The following PPP1R8 variants were observed in gnomAD, a reference collection of about 807,000 sequenced individuals.
PPP1R8 encodes protein phosphatase 1 regulatory subunit 8, also known as nuclear inhibitor of protein phosphatase 1.
Under a neutral mutation model 31.3 loss-of-function variants are expected in PPP1R8, and 4 were observed. The ratio of observed to expected loss-of-function variants is 0.13; its 90% CI spans 0.06 to 0.29. The LOEUF (loss-of-function observed/expected upper bound fraction) is 0.29. Ranked by LOEUF, PPP1R8 falls within the 10% of genes least tolerant of loss-of-function variation. The pLI, the probability that PPP1R8 is intolerant of heterozygous loss-of-function variation, is 1.00. For missense variants in PPP1R8, 254 were observed against 440.1 expected, an observed-to-expected ratio of 0.58 and a Z score of 3.78; for synonymous variants, 170 against 169.7, an observed-to-expected ratio of 1.00 and a Z score of -0.01.
intron 2 of PPP1R8, among the ~76,000 whole-genome samples, chr1:27,833,397 C>A (rs990272760): frequency 1.3e-5 from 2 of 152,126 alleles, no homozygotes; most frequent in East Asian, 1.9e-4. Flanking sequence ...CTCAAGTCAT[C>A]CAGTGGGAGA....
chr1:27,849,261 C>T (rs1256807405), intron 6 of PPP1R8, among the ~76,000 whole-genome samples: 1 of 151,572 alleles, frequency 6.6e-6, no homozygotes, highest in Non-Finnish European at 1.5e-5. Context: ...ATCCCAGCTA[C>T]TCCGGAGGCT....
At chr1:27,848,303 G>T (rs747844148) in intron 6 of PPP1R8, among the ~76,000 whole-genome samples, 2 of 152,148 alleles carry the variant, frequency 1.3e-5, no homozygotes, top group Non-Finnish European at 2.9e-5. Flanking sequence ...TACTCAGGAG[G>T]CTGAGGCAGG....
rs1255407079 is a variant in PPP1R8, at chr1:27,838,859, A to G, written c.271+7A>G. ...CTGATAGATCTCAACAGTAGTAAGT[A>G]ACTCCCTCCCAATTCACATGTTACC... On this transcript the variant is annotated splice_region_variant and intron_variant, in intron 3 of 6. Coordinates refer to ENST00000311772, the MANE Select transcript of PPP1R8 (RefSeq NM_014110.5). The G allele has an allele frequency of 6.4e-7, 1 of 1,574,656 alleles. No individual in the cohort carries two copies. Among genetic ancestry groups the G allele is most frequent in the African/African-American group, 1.4e-5 (1 of 73,538 alleles).
intron 2 of PPP1R8, 114 bp from the exon 3 acceptor site, chr1:27,838,585 T>C: frequency 1.7e-6 from 1 of 601,424 alleles, no homozygotes; most frequent in African/African-American, 1.9e-5. Context: ...ATGGAGTTTT[T>C]ACTCAATCTA....
In PPP1R8 at chr1:27,843,182, T is replaced by G; in HGVS notation, c.493-4T>G. ...CTGTCTTTCCTGTATGAACCCTGGC[T>G]TAGAACCTGACAGAGTTCAACACTG... On this transcript the variant is annotated splice_polypyrimidine_tract_variant and splice_region_variant and intron_variant, in intron 4 of 6. Transcript: ENST00000311772. 1 of 1,614,116 alleles carries G rather than the reference T, an allele frequency of 6.2e-7. No individual in the cohort carries two copies. The highest frequency in any genetic ancestry group is 1.3e-5 in the African/African-American group (1 of 75,032).
At chr1:27,843,860 G>A (rs1044054155) in intron 5 of PPP1R8, among the ~76,000 whole-genome samples, 3 of 152,214 alleles carry the variant, frequency 2.0e-5, no homozygotes, top group Non-Finnish European at 2.9e-5. Flanking sequence ...AGCTGAGGCA[G>A]GAGAATCGCT....
chr1:27,839,356 C>T (rs892731458), intron 3 of PPP1R8, among the ~76,000 whole-genome samples: 1 of 151,972 alleles, frequency 6.6e-6, no homozygotes, highest in Non-Finnish European at 1.5e-5. Context: ...GGTGAAACCT[C>T]GCCTCTACCA....
At chr1:27,832,919 T>C in intron 2 of PPP1R8, 103 bp downstream of exon 2, 1 of 970,436 alleles carries the variant, frequency 1.0e-6, no homozygotes, top group Non-Finnish European at 1.6e-6. Context: ...CCAGCAATGC[T>C]ACTTTCTTTC....
At chr1:27,836,896 A>G (rs896510339) in intron 2 of PPP1R8, among the ~76,000 whole-genome samples, 4 of 152,104 alleles carry the variant, frequency 2.6e-5, no homozygotes, top group Admixed American at 2.0e-4. Flanking sequence ...AAACAAAAAT[A>G]CTTTGGGACT....
At chr1:27,845,834 G>T (rs985655768) in intron 5 of PPP1R8, among the ~76,000 whole-genome samples, 4 of 130,794 alleles carry the variant, frequency 3.1e-5, no homozygotes, top group African/African-American at 1.2e-4. Flanking sequence ...CTGTCGCCCA[G>T]GCTGGAGTGC....
intron 2 of PPP1R8, among the ~76,000 whole-genome samples, chr1:27,838,000 G>A (rs529736995): frequency 1.3e-5 from 2 of 151,390 alleles, no homozygotes; most frequent in Non-Finnish European, 2.9e-5. Context: ...TCATAAGGTC[G>A]GGAGTTCGAG....
chr1:27,850,260 G>A lies in PPP1R8; in HGVS notation c.870G>A (p.Leu290=), dbSNP rs377018316. 2.2e-5 allele frequency: 36 copies of A among 1,614,112 alleles called. No individual in the cohort carries two copies. Among genetic ancestry groups the A allele is most frequent in the Non-Finnish European group, 2.9e-5 (34 of 1,180,048 alleles). The change falls in exon 7 of 7, where the codon TTG becomes TTA. Residue 290 remains leucine, a synonymous_variant. Coordinates refer to ENST00000311772, the MANE Select transcript of PPP1R8 (RefSeq NM_014110.5). Reference sequence around the variant, plus strand: ...ATGGGACAGCACTCATCGGTGGCTTGCCCATGCCATACCCAAACCTTGCCC... The same window carrying A: ...ATGGGACAGCACTCATCGGTGGCTTACCCATGCCATACCCAAACCTTGCCC... ...GIHGTALIGG[L]PMPYPNLAPD...
chr1:27,836,019 AG>A (rs771835314), intron 2 of PPP1R8, among the ~76,000 whole-genome samples: 1 of 152,202 alleles, frequency 6.6e-6, no homozygotes, highest in Non-Finnish European at 1.5e-5. Context: ...TGGTTTTGTA[AG>A]GGGATAATAG....
At position 27,847,062 on chromosome 1, in the gene PPP1R8, C is replaced by A. The variant is rs779042724; in HGVS notation, c.672C>A (p.Asn224Lys). 1 of 1,614,138 alleles carries A rather than the reference C, an allele frequency of 6.2e-7. No homozygotes were observed. The highest frequency in any genetic ancestry group is 1.7e-5 in the Admixed American group (1 of 60,006). The change falls in exon 6 of 7, where the codon AAC becomes AAA. Residue 224 changes from asparagine to lysine, a missense_variant. Around this residue, in one of 6 missense-constraint regions of PPP1R8, gnomAD observed 29 missense variants for 99.2 expected, o/e 0.29. Coordinates refer to ENST00000311772, the MANE Select transcript of PPP1R8 (RefSeq NM_014110.5). ...ATCCCTCAGTTGGTCGATTCAGGAA[C>A]ATGGTGCAAACTGCAGTGGTCCCAG... is the stretch of plus-strand genomic sequence containing the variant. Reference protein sequence around the residue: ...DVDPSVGRFRNMVQTAVVPVK... With the variant: ...DVDPSVGRFRKMVQTAVVPVK...
chr1:27,844,042 G>T (rs947083548), intron 5 of PPP1R8, among the ~76,000 whole-genome samples: 33 of 151,650 alleles, frequency 2.2e-4, no homozygotes, highest in African/African-American at 7.8e-4. Context: ...TCATTCTGTC[G>T]CCCAGGCTAG....
At chr1:27,835,903 TG>T (rs1380371144) in intron 2 of PPP1R8, among the ~76,000 whole-genome samples, 5 of 152,222 alleles carry the variant, frequency 3.3e-5, no homozygotes, top group African/African-American at 1.2e-4. Flanking sequence ...GTTGTGAGGA[TG>T]AAATGATATA....
chr1:27,830,858 G>C lies in PPP1R8; in HGVS notation c.23G>C (p.Gly8Ala). Residue 8 changes from glycine (G) to alanine (A), a missense_variant, in exon 1 of 7, where the codon GGC becomes GCC. Physicochemically the swap from Gly to Ala is moderately conservative, Grantham distance 60. This residue lies in a region of PPP1R8 where 38 missense variants were observed against 18.6 expected (regional missense o/e 2.04). Transcript: ENST00000311772. The part of the protein sequence containing the change: MAAAANS[G>A]SSLPLFDCPT... Reference sequence around the variant, plus strand: ...AAGATGGCGGCAGCCGCGAACTCCGGCTCTAGCCTCCCGCTGTTCGACTGC... The same window carrying C: ...AAGATGGCGGCAGCCGCGAACTCCGCCTCTAGCCTCCCGCTGTTCGACTGC... The C allele has an allele frequency of 1.3e-6, 2 of 1,576,164 alleles. No individual in the cohort carries two copies. Among genetic ancestry groups the C allele is most frequent in the Non-Finnish European group, 1.7e-6 (2 of 1,161,926 alleles).
chr1:27,847,661 G>A (rs1350203417), intron 6 of PPP1R8, among the ~76,000 whole-genome samples: 1 of 152,086 alleles, frequency 6.6e-6, no homozygotes, highest in South Asian at 2.1e-4. Context: ...AACCGGGGAG[G>A]TGGAAGTTGC....
intron 3 of PPP1R8, among the ~76,000 whole-genome samples, chr1:27,839,256 A>G (rs1164645311): frequency 2.0e-5 from 3 of 152,150 alleles, no homozygotes; most frequent in Non-Finnish European, 4.4e-5. Context: ...AGCTGGGTGC[A>G]GTGGCTCACT....
Sources: allele counts gnomAD v4.1 joint callset (sites outside exome capture counted in the v4.1 genomes callset), GRCh38; gene constraint gnomAD v4.1.1; regional missense constraint gnomAD v4.1.1; transcripts MANE v1.5; gene names NCBI Gene and HGNC (gene_info 2026-07-23, HGNC 2026-07-21).